The following PPARD variants were observed in gnomAD, a reference collection of about 807,000 sequenced individuals.
PPARD encodes peroxisome proliferator-activated receptor delta.
PPARD carries 6 observed loss-of-function variants against 39.5 expected under a neutral mutation model. The observed-to-expected ratio is 0.15, with a 90% confidence interval of 0.08 to 0.30. PPARD has a LOEUF of 0.30. Ranked by LOEUF, PPARD falls within the 10% of genes least tolerant of loss-of-function variation. The pLI, the probability that PPARD is intolerant of heterozygous loss-of-function variation, is 1.00. For synonymous variants in PPARD, 210 were observed against 231.3 expected, an observed-to-expected ratio of 0.91 and a Z score of 0.83; for missense variants, 397 against 596.8, an observed-to-expected ratio of 0.67 and a Z score of 3.49.
chr6:35,381,489 G>A (rs1158662388), intron 2 of PPARD, among the ~76,000 whole-genome samples: 8 of 152,102 alleles, frequency 5.3e-5, no homozygotes, highest in South Asian at 2.1e-4. Context: ...TTGTCTCTCC[G>A]CTCTGCCATC....
At position 35,417,866 on chromosome 6, in the gene PPARD, A is replaced by G. The variant is rs1765879016; in HGVS notation, c.131-2261A>G. ...TCTTTCTTACCTCAGCTATTTGAGG[A>G]TAGAGTCTAGGTCCTGTCCTGCATA... On this transcript the variant is annotated intron_variant, in intron 3 of 7. Transcript: ENST00000360694. 1.3e-5 allele frequency among the ~76,000 whole-genome samples: 2 copies of G among 152,222 alleles called. 1 individual carries two copies. Among genetic ancestry groups the G allele is most frequent in the South Asian group, 4.1e-4 (2 of 4,828 alleles).
intron 2 of PPARD, among the ~76,000 whole-genome samples, chr6:35,404,853 C>T (rs748833778): frequency 6.6e-6 from 1 of 152,144 alleles, no homozygotes; most frequent in Non-Finnish European, 1.5e-5. Flanking sequence ...GAGTCATGCC[C>T]CTCCCTGCAC....
chr6:35,379,142 T>C (rs991766451), intron 2 of PPARD, among the ~76,000 whole-genome samples: 1 of 151,526 alleles, frequency 6.6e-6, no homozygotes, highest in Non-Finnish European at 1.5e-5. Context: ...TCACTCTTGT[T>C]GCCCAGGCTG....
At chr6:35,356,047 G>A (rs1215094932) in intron 2 of PPARD, among the ~76,000 whole-genome samples, 6 of 151,976 alleles carry the variant, frequency 3.9e-5, no homozygotes, top group Non-Finnish European at 8.8e-5. Flanking sequence ...TCCTGAGACC[G>A]TTACTAAGTT....
At chr6:35,397,278 T>C (rs1260904697) in intron 2 of PPARD, among the ~76,000 whole-genome samples, 3 of 149,076 alleles carry the variant, frequency 2.0e-5, no homozygotes, top group Admixed American at 6.8e-5. Context: ...GAGGATTGTA[T>C]AGTTTAAGGG....
chr6:35,396,329 C>G (rs1259946968), intron 2 of PPARD, among the ~76,000 whole-genome samples: 1 of 151,324 alleles, frequency 6.6e-6, no homozygotes, highest in Admixed American at 6.6e-5. Context: ...CTCAGCCTCC[C>G]GAGTAGCTGG....
intron 2 of PPARD, among the ~76,000 whole-genome samples, chr6:35,410,722 G>A (rs1765370278): frequency 6.6e-6 from 1 of 152,138 alleles, no homozygotes; most frequent in Non-Finnish European, 1.5e-5. Context: ...GGGAAGGGTG[G>A]CACAGTGATG....
rs202215344 is a variant in PPARD, at chr6:35,426,080, C to G, written c.*1C>G. On this transcript the variant is annotated 3_prime_UTR_variant, in exon 8 of 8. Transcript: ENST00000360694. ...GGAGATCTACAAGGACATGTACTAACGGCGGCACCCAGGCCTCCCTGCAGA... is the reference window on the plus strand; with the variant it reads ...GGAGATCTACAAGGACATGTACTAAGGGCGGCACCCAGGCCTCCCTGCAGA... 22 of 1,610,328 alleles carry G rather than the reference C, an allele frequency of 1.4e-5. No individual in the cohort carries two copies. The highest frequency in any genetic ancestry group is 1.3e-4 in the Admixed American group (8 of 60,012).
In PPARD at chr6:35,388,669, G is replaced by A. The variant is rs561897227; in HGVS notation, c.-101-22318G>A. ...GGAGGTTGCAGTGAGCCGAGATCGC[G>A]CCACTGCACTCCAGCCTGGGTGACA... On this transcript the variant is annotated intron_variant, in intron 2 of 7. Transcript: ENST00000360694. Among the ~76,000 whole-genome samples the A allele has an allele frequency of 1.7e-4, 26 of 152,098 alleles. No individual in the cohort carries two copies. In the South Asian group the frequency reaches 4.6e-3, roughly 27 times the overall value.
At chr6:35,418,659 C>T (rs149595978) in intron 3 of PPARD, among the ~76,000 whole-genome samples, 141 of 152,270 alleles carry the variant, frequency 9.3e-4, no homozygotes, top group African/African-American at 3.2e-3. Flanking sequence ...CTCCCAGGCC[C>T]GAGAGATGTA....
At position 35,406,869 on chromosome 6, in the gene PPARD, C is replaced by T. The variant is rs573904528; in HGVS notation, c.-101-4118C>T. Among the ~76,000 whole-genome samples the T allele has an allele frequency of 2.6e-5, 4 of 152,344 alleles. No homozygotes were observed. The South Asian group carries it at 8.3e-4, about 32-fold the overall frequency. ...GGCCCAGTGCACACAGCTGTCAGGG[C>T]CTGGCCCGGCTCGAGTCCTGCTGTG... On this transcript the variant is annotated intron_variant, in intron 2 of 7. Transcript: ENST00000360694.
intron 2 of PPARD, among the ~76,000 whole-genome samples, chr6:35,358,705 C>T (rs2150480284): frequency 6.6e-6 from 1 of 152,328 alleles, no homozygotes; most frequent in East Asian, 1.9e-4. Flanking sequence ...CCAGCACCTT[C>T]AGTGATATCA....
At chr6:35,374,057 A>G (rs1762646392) in intron 2 of PPARD, among the ~76,000 whole-genome samples, 1 of 152,136 alleles carries the variant, frequency 6.6e-6, no homozygotes, top group African/African-American at 2.4e-5. Context: ...AAAGTGGTCC[A>G]CCTGGCAGTA....
At position 35,412,739 on chromosome 6, in the gene PPARD, G is replaced by A. The variant is rs1765511207; in HGVS notation, c.130+1522G>A. 6.6e-6 allele frequency among the ~76,000 whole-genome samples: 1 copy of A among 152,178 alleles called. No individual in the cohort carries two copies. The highest frequency in any genetic ancestry group is 2.1e-4 in the South Asian group (1 of 4,830). The stretch of plus-strand genomic sequence containing the variant: ...TGGGAGTGACCAAAGTAGGCCAAAT[G>A]TGATTCTAGGGCCAAAGTGAAGGTG... On this transcript the variant is annotated intron_variant, in intron 3 of 7. Coordinates refer to ENST00000360694, the MANE Select transcript of PPARD (RefSeq NM_006238.5). The surrounding 1 kb of genome is among the most constrained non-coding windows in gnomAD (Gnocchi z 4.1).
rs529866520 is a variant in PPARD, at chr6:35,364,431, C to CTT, written c.-102+17300_-102+17301dup. Among the ~76,000 whole-genome samples, 172 of 127,166 alleles carry CTT rather than the reference C, an allele frequency of 1.4e-3. 2 individuals are homozygous for CTT. Among genetic ancestry groups the CTT allele is most frequent in the African/African-American group, 4.5e-3 (142 of 31,392 alleles). 83.4% of individuals were successfully genotyped at this position (127,166 alleles called of 152,430 possible). A position where few individuals can be genotyped will look rare whatever the true frequency, so the allele number is the denominator to read the frequency against. Reference sequence around the variant, plus strand: ...GGGTCATATAGTATTCCATGTTTAACTTTTTTTTTTTTTTTTTTTTGAGAC... The same window carrying CTT: ...GGGTCATATAGTATTCCATGTTTAACTTTTTTTTTTTTTTTTTTTTTTGAGAC... On this transcript the variant is annotated intron_variant, in intron 2 of 7. Coordinates refer to ENST00000360694, the MANE Select transcript of PPARD (RefSeq NM_006238.5).
chr6:35,409,683 T>A (rs1245732751), intron 2 of PPARD, among the ~76,000 whole-genome samples: 1 of 152,140 alleles, frequency 6.6e-6, no homozygotes, highest in Non-Finnish European at 1.5e-5. Flanking sequence ...ACCCGATAGT[T>A]ATTTTTTCTG....
chr6:35,348,966 G>T (rs1761056549), intron 2 of PPARD: 1 of 985,128 alleles, frequency 1.0e-6, no homozygotes, highest in Non-Finnish European at 1.2e-6. Context: ...GGGGTCAGTT[G>T]TCCAGTTCAT....
At chr6:35,410,867 G>A in intron 2 of PPARD, 120 bp from the exon 3 acceptor site, 1 of 1,186,104 alleles carries the variant, frequency 8.4e-7, no homozygotes, top group Non-Finnish European at 1.1e-6. Flanking sequence ...AGGAACTAGG[G>A]AAGGAGCAGG....
intron 2 of PPARD, among the ~76,000 whole-genome samples, chr6:35,367,354 T>C (rs1473748394): frequency 6.6e-6 from 1 of 152,118 alleles, no homozygotes; most frequent in Non-Finnish European, 1.5e-5. Flanking sequence ...TATGGTGGTG[T>C]GGTGGTGGTT....
Sources: allele counts gnomAD v4.1 joint callset (sites outside exome capture counted in the v4.1 genomes callset), GRCh38; gene constraint gnomAD v4.1.1; non-coding constraint Gnocchi (gnomAD v3.1); transcripts MANE v1.5; gene names NCBI Gene and HGNC (gene_info 2026-07-23, HGNC 2026-07-21).